ZNF496: variants seen among roughly 807,000 people sequenced by gnomAD.
The protein encoded by ZNF496 is NSD1 (nuclear receptor binding SET-domain containing 1)-interacting zinc finger protein 1.
A neutral mutation model predicts 58.9 loss-of-function variants in ZNF496; 11 were observed. That is an observed-to-expected ratio of 0.19 (90% CI 0.12 to 0.31). The LOEUF (loss-of-function observed/expected upper bound fraction) is 0.31, where lower values mean the gene tolerates loss of function less well. Among genes scored for constraint, ZNF496 ranks in the 10% least tolerant of loss-of-function variants. ZNF496 has a pLI of 1.00. For synonymous variants in ZNF496, 338 were observed against 318.2 expected (o/e 1.06, Z -0.66); for missense variants, 660 against 783.0 (o/e 0.84, Z 1.88).
In ZNF496 at chr1:247,308,467, T is replaced by C; in HGVS notation, c.1006+8A>G. The stretch of plus-strand genomic sequence containing the variant: ...GGACAAACCCATACCTCCCTGACCC[T>C]TCTTTACCTGGGTAGGTGTTTTGAG... On this transcript the variant is annotated splice_region_variant and intron_variant, in intron 9 of 9. Coordinates refer to ENST00000682384, the MANE Select transcript of ZNF496 (RefSeq NM_032752.3). This position sits in a 1 kb window ranked among gnomAD's most constrained non-coding sequence, Gnocchi z 4.5. The C allele has an allele frequency of 6.2e-7, 1 of 1,613,584 alleles. No individual in the cohort carries two copies. Among genetic ancestry groups the C allele is most frequent in the Non-Finnish European group, 8.5e-7 (1 of 1,179,570 alleles).
At chr1:247,310,074 C>G (rs1659544130) in intron 7 of ZNF496, 5 of 1,429,122 alleles carry the variant, frequency 3.5e-6, no homozygotes, top group Non-Finnish European at 4.6e-6. Context: ...GAGAAATGGA[C>G]ATACAGCACA....
Position 247,328,669 on chromosome 1 carries a change from C to G in ZNF496, c.574+14G>C, listed in dbSNP as rs772752449. 43 of 1,566,828 alleles carry G rather than the reference C, an allele frequency of 2.7e-5. No individual in the cohort carries two copies. In the South Asian group the frequency reaches 5.1e-4, roughly 19 times the overall value. On this transcript the variant is annotated intron_variant, in intron 5 of 9. Transcript: ENST00000682384. Reference sequence around the variant, plus strand: ...CCCCAGATCACCCCTGCTACACTCCCCTGGGCTGCATACCTGGGTCCCCGC... The same window carrying G: ...CCCCAGATCACCCCTGCTACACTCCGCTGGGCTGCATACCTGGGTCCCCGC...
intron 6 of ZNF496, among the ~76,000 whole-genome samples, chr1:247,314,601 T>C (rs1297242075): frequency 2.6e-5 from 4 of 152,176 alleles, no homozygotes; most frequent in Non-Finnish European, 5.9e-5. Flanking sequence ...CTAGTATCTA[T>C]GTGACAAGCA....
chr1:247,329,572 T>C lies in ZNF496; in HGVS notation c.7A>G (p.Thr3Ala). The C allele has an allele frequency of 6.5e-7, 1 of 1,546,964 alleles. No homozygotes were observed. Among genetic ancestry groups the C allele is most frequent in the Non-Finnish European group, 8.7e-7 (1 of 1,153,388 alleles). Residue 3 changes from threonine to alanine, a missense_variant, in exon 4 of 10, where the codon ACA (threonine) becomes GCA (alanine). Thr to Ala is a moderately conservative substitution (Grantham distance 58, BLOSUM62 0). Transcript: ENST00000682384. The surrounding 1 kb of genome is among the most constrained non-coding windows in gnomAD (Gnocchi z 5.5). ...GCCAAGACTCGGGGGCACAGGGCTG[T>C]GGGCATGATGGGATTTGATGGGGGT... MP[T>A]ALCPRVLAPK...
chr1:247,301,020 G>A lies in ZNF496; in HGVS notation c.1263C>T (p.Phe421=), dbSNP rs760587741. The change falls in exon 10 of 10, where the codon TTC becomes TTT. Residue 421 remains phenylalanine, a synonymous_variant. Transcript: ENST00000682384. ...CGKIFRWRVN[F]IRHLRSRREQ... is the part of the protein sequence containing the mutation. Reference sequence around the variant, plus strand: ...CCCTGCGGCTCCGCAGATGCCGGATGAAGTTGACCCTCCAGCGGAAGATTT... The same window carrying A: ...CCCTGCGGCTCCGCAGATGCCGGATAAAGTTGACCCTCCAGCGGAAGATTT... 21 of 1,613,618 alleles carry A rather than the reference G, an allele frequency of 1.3e-5. No homozygotes were observed. The Admixed American group carries it at 2.3e-4, about 18-fold the overall frequency.
chr1:247,307,468 A>G, intron 9 of ZNF496: 1 of 985,416 alleles, frequency 1.0e-6, no homozygotes, highest in African/African-American at 1.7e-5. Flanking sequence ...GCTAGAGAAG[A>G]TTCAAAGTGC....
In ZNF496 at chr1:247,321,005, G is replaced by A. The variant is rs78714667; in HGVS notation, c.651+2149C>T. On this transcript the variant is annotated intron_variant, in intron 6 of 9. Coordinates refer to ENST00000682384, the MANE Select transcript of ZNF496 (RefSeq NM_032752.3). Reference sequence around the variant, plus strand: ...AGCCTGACTAACATGGTGAAACCCCGTCTCTACTAAGAATACAAAAATTAG... The same window carrying A: ...AGCCTGACTAACATGGTGAAACCCCATCTCTACTAAGAATACAAAAATTAG... 2.0e-4 allele frequency among the ~76,000 whole-genome samples: 31 copies of A among 152,232 alleles called. No homozygotes were observed. In the East Asian group the frequency reaches 6.0e-3, roughly 29 times the overall value.
intron 6 of ZNF496, among the ~76,000 whole-genome samples, chr1:247,318,342 T>G (rs766799694): frequency 6.6e-6 from 1 of 152,016 alleles, no homozygotes; most frequent in African/African-American, 2.4e-5. Context: ...GCTTAAGAAT[T>G]CCCAAGCTTG....
rs983359662 is a variant in ZNF496, at chr1:247,300,381, G to A, written c.*138C>T. On this transcript the variant is annotated 3_prime_UTR_variant, in exon 10 of 10. Coordinates refer to ENST00000682384, the MANE Select transcript of ZNF496 (RefSeq NM_032752.3). This position sits in a 1 kb window ranked among gnomAD's most constrained non-coding sequence, Gnocchi z 5.7. The stretch of plus-strand genomic sequence containing the variant: ...AGTGCTCCCATGGCACCACCCGAAC[G>A]CTCACTACCTGAGAGCAAGGACAGG... 1.1e-4 allele frequency: 96 copies of A among 903,396 alleles called. No individual in the cohort carries two copies. Among genetic ancestry groups the A allele is most frequent in the Non-Finnish European group, 1.2e-4 (76 of 634,024 alleles). 56.0% of individuals were successfully genotyped at this position (903,396 alleles called of 1,614,324 possible).
At chr1:247,325,033 A>G (rs1660079346) in intron 5 of ZNF496, among the ~76,000 whole-genome samples, 1 of 152,232 alleles carries the variant, frequency 6.6e-6, no homozygotes, top group Non-Finnish European at 1.5e-5. Flanking sequence ...TCAGATTAAG[A>G]CTTGGAGAGC....
intron 9 of ZNF496, among the ~76,000 whole-genome samples, chr1:247,303,159 G>C (rs1200437211): frequency 1.3e-5 from 2 of 152,172 alleles, no homozygotes; most frequent in Non-Finnish European, 2.9e-5. Flanking sequence ...CAAAATCACT[G>C]GTCTTCTAAG....
chr1:247,307,057 T>G, intron 9 of ZNF496: 1 of 979,280 alleles, frequency 1.0e-6, no homozygotes, highest in South Asian at 4.7e-5. Flanking sequence ...ACTAGGCAAT[T>G]CATAGAACAC....
Position 247,308,351 on chromosome 1 carries a change from A to C in ZNF496, c.1006+124T>G. The C allele has an allele frequency of 1.2e-6, 1 of 867,272 alleles. No individual in the cohort carries two copies. The allele number at this position is 867,272 out of a possible 1,614,324, so 53.7% of individuals were successfully genotyped here. Reference sequence around the variant, plus strand: ...ACATGCAGCACACCACATATACCACATGTGTATGCACGCACACATGCATTC... The same window carrying C: ...ACATGCAGCACACCACATATACCACCTGTGTATGCACGCACACATGCATTC... On this transcript the variant is annotated intron_variant, in intron 9 of 9. Transcript: ENST00000682384. The surrounding 1 kb of genome is among the most constrained non-coding windows in gnomAD (Gnocchi z 4.5).
chr1:247,302,916 G>T lies in ZNF496; in HGVS notation c.1007-1640C>A, dbSNP rs145849894. On this transcript the variant is annotated intron_variant, in intron 9 of 9. Transcript: ENST00000682384. ...CAGTTGACTTCTGTTAATGGACTTG[G>T]GTGGAAGAAGAAAACAAAGTGACAA... Among the ~76,000 whole-genome samples, 28 of 152,246 alleles carry T rather than the reference G, an allele frequency of 1.8e-4. No individual in the cohort carries two copies. The East Asian group carries it at 3.5e-3, about 19-fold the overall frequency.
Position 247,327,563 on chromosome 1 carries a change from C to T in ZNF496, c.574+1120G>A, listed in dbSNP as rs1660171312. Among the ~76,000 whole-genome samples, 3 of 152,306 alleles carry T rather than the reference C, an allele frequency of 2.0e-5. No individual in the cohort carries two copies. The South Asian group carries it at 6.2e-4, about 32-fold the overall frequency. Reference sequence around the variant, plus strand: ...TGTGGTACTTTGTTATGGCAGCCAACAACACACCAAACTTGATTTATAAGC... The same window carrying T: ...TGTGGTACTTTGTTATGGCAGCCAATAACACACCAAACTTGATTTATAAGC... On this transcript the variant is annotated intron_variant, in intron 5 of 9. Coordinates refer to ENST00000682384, the MANE Select transcript of ZNF496 (RefSeq NM_032752.3).
At position 247,300,500 on chromosome 1, in the gene ZNF496, C is replaced by A; in HGVS notation, c.*19G>T. The A allele has an allele frequency of 1.3e-6, 2 of 1,582,902 alleles. No individual in the cohort carries two copies. The highest frequency in any genetic ancestry group is 1.2e-5 in the South Asian group (1 of 86,624). ...GGGGGCAGCACCAGCCAGGGTGAGG[C>A]CGCCCCAGGCGGAGAGGCTCAGTAG... On this transcript the variant is annotated 3_prime_UTR_variant, in exon 10 of 10. Transcript: ENST00000682384. This position sits in a 1 kb window ranked among gnomAD's most constrained non-coding sequence, Gnocchi z 5.7.
chr1:247,315,622 T>C (rs1016523229), intron 6 of ZNF496, among the ~76,000 whole-genome samples: 6 of 150,450 alleles, frequency 4.0e-5, no homozygotes, highest in Non-Finnish European at 7.4e-5. Context: ...TGGGGAAAAA[T>C]AGAATGAGGG....
Position 247,323,348 on chromosome 1 carries a change from G to A in ZNF496, c.575-118C>T, listed in dbSNP as rs1660020679. 20 of 680,668 alleles carry A rather than the reference G, an allele frequency of 2.9e-5. No homozygotes were observed. In the South Asian group the frequency reaches 3.2e-4, roughly 11 times the overall value. The allele number at this position is 680,668 out of a possible 1,614,324, so 42.2% of individuals were successfully genotyped here. A position where few individuals can be genotyped will look rare whatever the true frequency, so the allele number is the denominator to read the frequency against. ...TTTGGTAGCAAAGAAAATCACAAGA[G>A]AGGCACCAACAGGGAACTGTTTCAT... On this transcript the variant is annotated intron_variant, in intron 5 of 9. Coordinates refer to ENST00000682384, the MANE Select transcript of ZNF496 (RefSeq NM_032752.3).
chr1:247,324,946 C>G (rs1013964116), intron 5 of ZNF496, among the ~76,000 whole-genome samples: 3 of 152,234 alleles, frequency 2.0e-5, no homozygotes, highest in Non-Finnish European at 4.4e-5. Flanking sequence ...TTTGTTCAGG[C>G]TTCTGCCATG....
Sources: allele counts gnomAD v4.1 joint callset (sites outside exome capture counted in the v4.1 genomes callset), GRCh38; gene constraint gnomAD v4.1.1; non-coding constraint Gnocchi (gnomAD v3.1); transcripts MANE v1.5; gene names NCBI Gene and HGNC (gene_info 2026-07-23, HGNC 2026-07-21).